Variants in PTPRM observed in about 807,000 individuals in gnomAD.
PTPRM encodes the protein receptor-type tyrosine-protein phosphatase mu.
A neutral mutation model predicts 186.7 loss-of-function variants in PTPRM; 47 were observed. The observed-to-expected ratio is 0.25, with a 90% CI of 0.20 to 0.32. PTPRM has a LOEUF of 0.32. PTPRM is among the 10% of genes least tolerant of loss of function. The pLI, the probability that PTPRM is intolerant of heterozygous loss-of-function variation, is 1.00. For synonymous variants in PTPRM, 668 were observed against 674.9 expected (o/e 0.99, Z 0.16); for missense variants, 1,494 against 1,865.0 (o/e 0.80, Z 3.66).
intron 2 of PTPRM, among the ~76,000 whole-genome samples, chr18:7,846,271 C>T (rs944613777): frequency 6.6e-6 from 1 of 152,118 alleles, no homozygotes; most frequent in Non-Finnish European, 1.5e-5. Context: ...GGTGCTAGAT[C>T]CCCCATTACA....
intron 31 of PTPRM, among the ~76,000 whole-genome samples, chr18:8,390,954 A>AATAATAATG (rs2095808043): frequency 6.7e-6 from 1 of 149,284 alleles, no homozygotes; most frequent in African/African-American, 2.4e-5. Flanking sequence ...TAATAATAAT[A>AATAATAATG]ATAATAATAA....
chr18:7,911,846 A>ATTTTTTTTTTTTTTTTTTTTTTTT (rs57590269), intron 4 of PTPRM, among the ~76,000 whole-genome samples: 1 of 80,676 alleles, frequency 1.2e-5, no homozygotes, highest in Non-Finnish European at 2.2e-5. Flanking sequence ...TATGGTTTCA[A>ATTTTTTTTTTTTTTTTTTTTTTTT]TTTTTTTTTT....
At chr18:8,161,326 C>T (rs1203318123) in intron 14 of PTPRM, among the ~76,000 whole-genome samples, 1 of 151,972 alleles carries the variant, frequency 6.6e-6, no homozygotes, top group African/African-American at 2.4e-5. Flanking sequence ...ATTTGTCAGG[C>T]TAAGGTTGAC....
chr18:8,255,536 A>G (rs1051836036), intron 19 of PTPRM, among the ~76,000 whole-genome samples: 6 of 152,244 alleles, frequency 3.9e-5, no homozygotes, highest in African/African-American at 1.4e-4. Flanking sequence ...AGTACATTGC[A>G]GAAAACTTTT....
At chr18:8,323,013 G>A (rs2095354992) in intron 22 of PTPRM, among the ~76,000 whole-genome samples, 1 of 151,912 alleles carries the variant, frequency 6.6e-6, no homozygotes, top group African/African-American at 2.4e-5. Context: ...TGTAGATTTA[G>A]GATCTCCCTA....
chr18:7,943,809 C>T (rs369824821), intron 5 of PTPRM, among the ~76,000 whole-genome samples: 2 of 152,150 alleles, frequency 1.3e-5, no homozygotes, highest in East Asian at 1.9e-4. Context: ...CTTGTGATTA[C>T]GTTTGGCCAA....
At chr18:8,017,416 G>A (rs2084940108) in intron 7 of PTPRM, among the ~76,000 whole-genome samples, 1 of 151,262 alleles carries the variant, frequency 6.6e-6, no homozygotes, top group Admixed American at 6.6e-5. Context: ...CAAAAATTTT[G>A]TCCTAAAAAT....
chr18:8,202,854 T>G (rs1057506460), intron 14 of PTPRM, among the ~76,000 whole-genome samples: 5 of 152,158 alleles, frequency 3.3e-5, no homozygotes, highest in African/African-American at 7.2e-5. Context: ...TCTTTCTATT[T>G]GAAAAGCCTC....
At chr18:7,571,612 G>A (rs1598433079) in intron 1 of PTPRM, among the ~76,000 whole-genome samples, 1 of 152,286 alleles carries the variant, frequency 6.6e-6, no homozygotes, top group East Asian at 1.9e-4. Flanking sequence ...CAGCTACAGT[G>A]GTATTTGAAA....
At chr18:8,278,855 G>A (rs2094868282) in intron 19 of PTPRM, among the ~76,000 whole-genome samples, 1 of 152,180 alleles carries the variant, frequency 6.6e-6, no homozygotes, top group Middle Eastern at 3.4e-3. Context: ...TTTCCACCCA[G>A]AGATGTATTT....
At chr18:8,362,110 T>C (rs990675026) in intron 23 of PTPRM, among the ~76,000 whole-genome samples, 8 of 152,024 alleles carry the variant, frequency 5.3e-5, no homozygotes, top group African/African-American at 1.9e-4. Flanking sequence ...TCTCAAGCAG[T>C]GTGAAGGATC....
intron 13 of PTPRM, among the ~76,000 whole-genome samples, chr18:8,134,609 G>T (rs1383731716): frequency 6.6e-6 from 1 of 152,106 alleles, no homozygotes; most frequent in Non-Finnish European, 1.5e-5. Flanking sequence ...TTTCAGAATT[G>T]TATTGATCAT....
intron 16 of PTPRM, 59 bp from the exon 17 acceptor site, chr18:8,248,091 A>G: frequency 6.7e-7 from 1 of 1,485,880 alleles, no homozygotes; most frequent in Non-Finnish European, 9.4e-7. Context: ...TTCATCAATC[A>G]TTTACTGTTC....
Position 8,394,531 on chromosome 18 carries a change from C to G in PTPRM, c.4264C>G (p.Leu1422Val). Residue 1422 changes from leucine (L) to valine (V), a missense_variant, in exon 32 of 33, where the codon CTC (leucine) becomes GTC (valine). Leu to Val is a conservative substitution (Grantham distance 32). Around this residue, in one of 3 missense-constraint regions of PTPRM, gnomAD observed 1,107 missense variants for 1,350.2 expected, o/e 0.82. Coordinates refer to ENST00000580170, the MANE Select transcript of PTPRM (RefSeq NM_001105244.2). ...CGCCATCAGCATCGTATGTGAGATG[C>G]TCCGGCACCAGAGAACCGTGGATGT... ...FCAISIVCEM[L>V]RHQRTVDVFH... 6.2e-7 allele frequency: 1 copy of G among 1,613,774 alleles called. No homozygotes were observed. Among genetic ancestry groups the G allele is most frequent in the South Asian group, 1.1e-5 (1 of 90,954 alleles).
Position 8,392,756 on chromosome 18 carries a change from G to T in PTPRM, c.4209-1720G>T, listed in dbSNP as rs557953439. On this transcript the variant is annotated intron_variant, in intron 31 of 32. Transcript: ENST00000580170. ...AAGAAATAAAACAGGCTGGGGACTT[G>T]TCAGAAAAGAACAAAAGAGCCAGCC... Among the ~76,000 whole-genome samples, 24 of 152,270 alleles carry T rather than the reference G, an allele frequency of 1.6e-4. 1 individual carries two copies. Among genetic ancestry groups the T allele is most frequent in the African/African-American group, 5.1e-4 (21 of 41,534 alleles).
At chr18:8,030,433 C>T (rs1310479216) in intron 7 of PTPRM, among the ~76,000 whole-genome samples, 1 of 152,040 alleles carries the variant, frequency 6.6e-6, no homozygotes, top group Non-Finnish European at 1.5e-5. Context: ...CATCATGGTC[C>T]GTCAGTGTGA....
chr18:8,251,715 A>T (rs2094529731), intron 17 of PTPRM: 1 of 152,356 alleles, frequency 6.6e-6, no homozygotes. Flanking sequence ...TGCGATGCAG[A>T]TAGAAGTGAG....
chr18:8,328,078 C>T (rs1202193740), intron 22 of PTPRM, among the ~76,000 whole-genome samples: 2 of 152,168 alleles, frequency 1.3e-5, no homozygotes, highest in African/African-American at 4.8e-5. Flanking sequence ...TTTTTGCTGT[C>T]AGTTTGTTTT....
At chr18:8,289,553 T>TATATATATACAC in intron 19 of PTPRM, among the ~76,000 whole-genome samples, 1 of 102,894 alleles carries the variant, frequency 9.7e-6, no homozygotes, top group South Asian at 3.2e-4. Context: ...TATATATACA[T>TATATATATACAC]ATATATACAC....
Sources: allele counts gnomAD v4.1 joint callset (sites outside exome capture counted in the v4.1 genomes callset), GRCh38; gene constraint gnomAD v4.1.1; regional missense constraint gnomAD v4.1.1; transcripts MANE v1.5; gene names NCBI Gene and HGNC (gene_info 2026-07-23, HGNC 2026-07-21).